The following CERS2 variants were observed in gnomAD, a reference collection of about 807,000 sequenced individuals.
CERS2 encodes the protein LAG1 homolog, ceramide synthase 2.
CERS2 carries 20 observed loss-of-function variants against 56.6 expected under a neutral mutation model. That is an observed-to-expected ratio of 0.35 (90% CI 0.25 to 0.51). The LOEUF (loss-of-function observed/expected upper bound fraction) is 0.51. Among genes scored for constraint, CERS2 ranks in the 20% least tolerant of loss-of-function variants. The probability of loss-of-function intolerance (pLI) is 0.96; values close to 1 mark genes in which losing one functional copy is unlikely to be tolerated. For missense variants in CERS2, 361 were observed against 488.6 expected (o/e 0.74, Z 2.46); for synonymous variants, 187 against 175.4 (o/e 1.07, Z -0.52).
Position 150,965,900 on chromosome 1 carries a change from T to A in CERS2, c.*248A>T, listed in dbSNP as rs1354211547. 2 of 421,286 alleles carry A rather than the reference T, an allele frequency of 4.7e-6. No individual in the cohort carries two copies. The highest frequency in any genetic ancestry group is 8.5e-5 in the East Asian group (2 of 23,566). The allele number at this position is 421,286 out of a possible 1,614,324, so 26.1% of individuals were successfully genotyped here. Reference sequence around the variant, plus strand: ...CCTCAAAAGCAGTAGAAAGGATGACTTGGCGGGTAGGGAGGAAAATACGAC... The same window carrying A: ...CCTCAAAAGCAGTAGAAAGGATGACATGGCGGGTAGGGAGGAAAATACGAC... On this transcript the variant is annotated 3_prime_UTR_variant, in exon 11 of 11. Coordinates refer to ENST00000368954, the MANE Select transcript of CERS2 (RefSeq NM_022075.5).
In CERS2 at chr1:150,967,666, G is replaced by A; in HGVS notation, c.517C>T (p.Gln173Ter). The change falls in exon 6 of 11, where the codon CAG becomes TAG. Residue 173 changes from glutamine to a stop codon, truncating the protein, a stop_gained and splice_region_variant. Coordinates refer to ENST00000368954, the MANE Select transcript of CERS2 (RefSeq NM_022075.5). LOFTEE classifies it high-confidence loss of function. Reference protein sequence around the residue: ...MKKVWEGYPIQSTIPSQYWYY... With the variant: ...MKKVWEGYPI ...ACATGAGGAAGCAGAACTCATACCT[G>A]TATGGGATATCCCTCCCAAACTTTC... 6.2e-7 allele frequency: 1 copy of A among 1,612,476 alleles called. No homozygotes were observed. Among genetic ancestry groups the A allele is most frequent in the South Asian group, 1.1e-5 (1 of 91,032 alleles).
At chr1:150,969,645 C>T (rs1671127583) in intron 1 of CERS2, among the ~76,000 whole-genome samples, 1 of 151,664 alleles carries the variant, frequency 6.6e-6, no homozygotes. Context: ...AACTTGGGGT[C>T]CTTACAACCT....
Position 150,965,969 on chromosome 1 carries a change from G to A in CERS2, c.*179C>T. 1 of 620,432 alleles carries A rather than the reference G, an allele frequency of 1.6e-6. No homozygotes were observed. Among genetic ancestry groups the A allele is most frequent in the Non-Finnish European group, 2.7e-6 (1 of 370,494 alleles). The allele number at this position is 620,432 out of a possible 1,614,324, so 38.4% of individuals were successfully genotyped here. On this transcript the variant is annotated 3_prime_UTR_variant, in exon 11 of 11. Transcript: ENST00000368954. ...TATAACCAACGTCCCCCTACCTGGG[G>A]ATAGGCTGGTTAGAATTTGGTTTAA...
intron 1 of CERS2, chr1:150,973,090 C>T (rs1671223060): frequency 2.0e-5 from 3 of 152,222 alleles, no homozygotes; most frequent in African/African-American, 7.2e-5. Context: ...CCTGAATAGT[C>T]TTCCTTGTTG....
chr1:150,967,536 C>T, intron 6 of CERS2, 52 bp from the exon 7 acceptor site: 1 of 1,386,868 alleles, frequency 7.2e-7, no homozygotes, highest in Non-Finnish European at 1.0e-6. Context: ...TGTCCCCACT[C>T]CACAAACCCC....
At chr1:150,969,742 A>G (rs1379260898) in intron 1 of CERS2, among the ~76,000 whole-genome samples, 2 of 152,044 alleles carry the variant, frequency 1.3e-5, no homozygotes, top group Non-Finnish European at 2.9e-5. Context: ...TGGCCCTAGA[A>G]GCTGTAGCCA....
chr1:150,972,135 T>C (rs977714678), intron 1 of CERS2, among the ~76,000 whole-genome samples: 1 of 152,156 alleles, frequency 6.6e-6, no homozygotes, highest in Admixed American at 6.5e-5. Flanking sequence ...CAGTGCAACT[T>C]CCTCATCCCC....
At chr1:150,971,815 G>A (rs1256595425) in intron 1 of CERS2, 2 of 470,272 alleles carry the variant, frequency 4.3e-6, no homozygotes, top group Admixed American at 4.7e-5. Context: ...TGCTCAGCCT[G>A]ATTGGAAGCG....
chr1:150,969,634 A>G (rs188280005), intron 1 of CERS2, among the ~76,000 whole-genome samples: 1 of 151,532 alleles, frequency 6.6e-6, no homozygotes, highest in African/African-American at 2.4e-5. Flanking sequence ...TGGAATTAAG[A>G]AACTTGGGGT....
In CERS2 at chr1:150,967,310, T is replaced by G. The variant is rs587643350; in HGVS notation, c.612+82A>C. The G allele has an allele frequency of 1.3e-5, 19 of 1,428,230 alleles. No homozygotes were observed. In the African/African-American group the frequency reaches 2.4e-4, roughly 18 times the overall value. 88.5% of individuals were successfully genotyped at this position (1,428,230 alleles called of 1,614,324 possible). ...CATATACCAACAGCTCCATTCAGAG[T>G]ACCCAGAAGTCAAAGGAGAGGGTGT... On this transcript the variant is annotated intron_variant, in intron 7 of 10. Transcript: ENST00000368954.
rs2102776352 is a variant in CERS2, at chr1:150,974,811, TCGAGCTGAGCCCGAGCCCAGC to T, written c.-215_-195del. On this transcript the variant is annotated 5_prime_UTR_variant, in exon 1 of 11. Coordinates refer to ENST00000368954, the MANE Select transcript of CERS2 (RefSeq NM_022075.5). ...CGCCGCCGCCGCCCGCCGAGCCCAGTCGAGCTGAGCCCGAGCCCAGCCGGGAAAAAAAGGCCGCGAGCAGCC... is the reference window on the plus strand; with the variant it reads ...CGCCGCCGCCGCCCGCCGAGCCCAGTCGGGAAAAAAAGGCCGCGAGCAGCC... 1 of 153,362 alleles carries T rather than the reference TCGAGCTGAGCCCGAGCCCAGC, an allele frequency of 6.5e-6. No homozygotes were observed. Among genetic ancestry groups the T allele is most frequent in the East Asian group, 2.0e-4 (1 of 5,112 alleles). The allele number at this position is 153,362 out of a possible 1,614,324, so 9.5% of individuals were successfully genotyped here. A position where few individuals can be genotyped will look rare whatever the true frequency, so the allele number is the denominator to read the frequency against.
chr1:150,965,829 A>T lies in CERS2; in HGVS notation c.*319T>A, dbSNP rs1670993358. On this transcript the variant is annotated 3_prime_UTR_variant, in exon 11 of 11. Coordinates refer to ENST00000368954, the MANE Select transcript of CERS2 (RefSeq NM_022075.5). The stretch of plus-strand genomic sequence containing the variant: ...ACAGCTGGGGCCAAATTCTCAGAAT[A>T]AGGAATGTGAATTGTAACCCCTACC... 4.3e-6 allele frequency: 1 copy of T among 233,292 alleles called. No homozygotes were observed. The highest frequency in any genetic ancestry group is 5.7e-5 in the Admixed American group (1 of 17,510). 14.5% of individuals were successfully genotyped at this position (233,292 alleles called of 1,614,324 possible). A position where few individuals can be genotyped will look rare whatever the true frequency, so the allele number is the denominator to read the frequency against.
intron 4 of CERS2, 85 bp from the exon 5 acceptor site, chr1:150,967,962 A>G: frequency 7.2e-7 from 1 of 1,384,898 alleles, no homozygotes; most frequent in Non-Finnish European, 1.0e-6. Flanking sequence ...CCCTCACAAG[A>G]TACCATTAAT....
chr1:150,971,704 T>A (rs1408024279), intron 1 of CERS2: 1 of 347,056 alleles, frequency 2.9e-6, no homozygotes, highest in Non-Finnish European at 5.9e-6. Context: ...AGAAAAGTTG[T>A]AGAAAATTGA....
rs745506092 is a variant in CERS2, at chr1:150,969,101, G to A, written c.-1-10C>T. On this transcript the variant is annotated splice_polypyrimidine_tract_variant and intron_variant, in intron 1 of 10. Coordinates refer to ENST00000368954, the MANE Select transcript of CERS2 (RefSeq NM_022075.5). ...CAAGGTCTGGAGCATCCTGAGTGAG[G>A]GGCAAAGGGGAGGGCATCAAGAGGG... is the stretch of plus-strand genomic sequence containing the variant. 7 of 1,613,050 alleles carry A rather than the reference G, an allele frequency of 4.3e-6. No individual in the cohort carries two copies. The highest frequency in any genetic ancestry group is 4.5e-5 in the East Asian group (2 of 44,882).
chr1:150,968,658 G>A (rs1671093680), intron 2 of CERS2, 146 bp from the exon 3 acceptor site: 3 of 745,246 alleles, frequency 4.0e-6, no homozygotes, highest in Non-Finnish European at 4.5e-6. Context: ...AGCTGACAAA[G>A]CTGCCTGTGT....
At chr1:150,966,399 A>G in intron 10 of CERS2, 77 bp downstream of exon 10, 3 of 1,599,660 alleles carry the variant, frequency 1.9e-6, no homozygotes, top group Non-Finnish European at 2.6e-6. Flanking sequence ...CTAGTTTTTT[A>G]GAGAGTTACT....
rs587619436 is a variant in CERS2 at position 150,967,933 on chromosome 1, C to T, written c.411-56G>A. 3 of 1,458,232 alleles carry T rather than the reference C, an allele frequency of 2.1e-6. No individual in the cohort carries two copies. The South Asian group carries it at 3.4e-5, about 17-fold the overall frequency. The allele number at this position is 1,458,232 out of a possible 1,614,324, so 90.3% of individuals were successfully genotyped here. The stretch of plus-strand genomic sequence containing the variant: ...GAGGATAGCACAGTCCCCCAGCAGC[C>T]CCCAAATACCTGCAGATACCCTCAC... On this transcript the variant is annotated intron_variant, in intron 4 of 10. Transcript: ENST00000368954.
At chr1:150,974,136 G>GCCCTCC (rs1184216919) in intron 1 of CERS2, 2 of 152,410 alleles carry the variant, frequency 1.3e-5, no homozygotes, top group Non-Finnish European at 2.9e-5. Flanking sequence ...ACGGGGCAGG[G>GCCCTCC]CCCTCCCCTC....
Sources: gnomAD v4.1 joint callset for allele counts (sites outside exome capture counted in the v4.1 genomes callset) on GRCh38, gnomAD v4.1.1 for gene constraint, MANE v1.5 for transcripts, NCBI Gene and HGNC (gene_info 2026-07-23, HGNC 2026-07-21) for gene names.